Variants in STIM2 observed in about 807,000 individuals in gnomAD.
STIM2 encodes stromal interaction molecule 2.
A neutral mutation model predicts 85.8 loss-of-function variants in STIM2; 31 were observed. That is an observed-to-expected ratio of 0.36 (90% CI 0.27 to 0.49). The LOEUF (loss-of-function observed/expected upper bound fraction) is 0.49, where lower values mean the gene tolerates loss of function less well. Ranked by LOEUF, STIM2 falls within the 20% of genes least tolerant of loss-of-function variation. STIM2 has a pLI of 0.98. For synonymous variants in STIM2, 356 were observed against 331.1 expected (o/e 1.08, Z -0.82); for missense variants, 841 against 927.6 (o/e 0.91, Z 1.21).
rs555575078 is a variant in STIM2 at position 27,000,186 on chromosome 4, C to G, written c.625+839C>G. On this transcript the variant is annotated intron_variant, in intron 5 of 11. Transcript: ENST00000467087. The stretch of plus-strand genomic sequence containing the variant: ...AGGAGATTTTCAGGTTTCTATGATA[C>G]CATCTTGGGAATGGCCCTTCTAAAA... Among the ~76,000 whole-genome samples the G allele has an allele frequency of 7.9e-5, 12 of 152,134 alleles. 1 individual carries two copies. The South Asian group carries it at 2.5e-3, about 32-fold the overall frequency.
chr4:26,988,842 A>G (rs1166606739), intron 3 of STIM2, among the ~76,000 whole-genome samples: 1 of 152,184 alleles, frequency 6.6e-6, no homozygotes, highest in African/African-American at 2.4e-5. Context: ...GTATTCTGTA[A>G]TCTACTGTTC....
intron 2 of STIM2, among the ~76,000 whole-genome samples, chr4:26,940,896 G>C (rs1725585548): frequency 6.6e-6 from 1 of 152,074 alleles, no homozygotes; most frequent in African/African-American, 2.4e-5. Flanking sequence ...TGATTCTGTA[G>C]GTCTGGGATG....
At chr4:26,884,705 G>A (rs1184591106) in intron 1 of STIM2, among the ~76,000 whole-genome samples, 2 of 152,232 alleles carry the variant, frequency 1.3e-5, no homozygotes, top group African/African-American at 4.8e-5. Context: ...GGGGGATTAA[G>A]TATCCCACAT....
chr4:27,009,038 G>T (rs760651253), intron 10 of STIM2, 36 bp downstream of exon 10: 1 of 1,575,288 alleles, frequency 6.3e-7, no homozygotes, highest in South Asian at 1.1e-5. Context: ...GTTGGTACAG[G>T]TTTTAAAGTA....
At chr4:26,948,242 C>CA (rs1354713703) in intron 2 of STIM2, among the ~76,000 whole-genome samples, 1 of 152,182 alleles carries the variant, frequency 6.6e-6, no homozygotes, top group South Asian at 2.1e-4. Flanking sequence ...TCTGTGGCCA[C>CA]AGCAGAGAGA....
chr4:26,919,445 C>G lies in STIM2; in HGVS notation c.152-59C>G, dbSNP rs867981202. The G allele has an allele frequency of 1.2e-4, 186 of 1,601,580 alleles. 2 individuals are homozygous for G. In the Middle Eastern group the frequency reaches 5.1e-3, roughly 44 times the overall value. On this transcript the variant is annotated intron_variant, in intron 1 of 11. Coordinates refer to ENST00000467087, the MANE Select transcript of STIM2 (RefSeq NM_020860.4). ...TTGGTTTTCTTTTAAATTATACTCT[C>G]TAACTATAGCCTTTGTTTTGGTATG...
At chr4:26,891,574 CACACACA>C (rs1723485854) in intron 1 of STIM2, among the ~76,000 whole-genome samples, 1 of 149,092 alleles carries the variant, frequency 6.7e-6, no homozygotes, top group East Asian at 1.9e-4. Flanking sequence ...CACACACACA[CACACACA>C]CACACACACA....
chr4:26,912,525 A>G (rs1724383479), intron 1 of STIM2, among the ~76,000 whole-genome samples: 1 of 152,218 alleles, frequency 6.6e-6, no homozygotes, highest in South Asian at 2.1e-4. Flanking sequence ...TCCTCTAGTG[A>G]AGGCAAAGGG....
Position 26,965,500 on chromosome 4 carries a change from G to C in STIM2, c.397+7774G>C, listed in dbSNP as rs200031374. Among the ~76,000 whole-genome samples, 7 of 152,120 alleles carry C rather than the reference G, an allele frequency of 4.6e-5. No individual in the cohort carries two copies. In the East Asian group the frequency reaches 1.4e-3, roughly 29 times the overall value. On this transcript the variant is annotated intron_variant, in intron 3 of 11. Coordinates refer to ENST00000467087, the MANE Select transcript of STIM2 (RefSeq NM_020860.4). ...CTTTCTTTTATAAAATTATCCAAAT[G>C]AGTTCAGAGCACTCACAGTAAGTTG...
intron 2 of STIM2, among the ~76,000 whole-genome samples, chr4:26,935,627 G>A (rs1021458185): frequency 2.0e-5 from 3 of 152,284 alleles, no homozygotes; most frequent in African/African-American, 4.8e-5. Flanking sequence ...GCAGCTTGGG[G>A]ATGGGACCTA....
chr4:26,940,181 ATGT>A (rs1352209763), intron 2 of STIM2, among the ~76,000 whole-genome samples: 1 of 152,094 alleles, frequency 6.6e-6, no homozygotes, highest in Non-Finnish European at 1.5e-5. Flanking sequence ...TGGAGTCTTA[ATGT>A]TGTTGAGGAT....
At chr4:26,967,545 G>A (rs1043512862) in intron 3 of STIM2, among the ~76,000 whole-genome samples, 1 of 152,182 alleles carries the variant, frequency 6.6e-6, no homozygotes, top group African/African-American at 2.4e-5. Context: ...TCTGCCAAGA[G>A]TCCTCCTGAA....
intron 2 of STIM2, among the ~76,000 whole-genome samples, chr4:26,922,303 T>C (rs1433503252): frequency 6.6e-6 from 1 of 152,162 alleles, no homozygotes; most frequent in East Asian, 1.9e-4. Flanking sequence ...TTTCTAAAAT[T>C]ATTATTGTAC....
chr4:26,995,792 A>T (rs915333856), intron 4 of STIM2, among the ~76,000 whole-genome samples: 1 of 151,940 alleles, frequency 6.6e-6, no homozygotes, highest in Non-Finnish European at 1.5e-5. Flanking sequence ...TCTAAGAAAA[A>T]CTTTTTTATT....
intron 1 of STIM2, among the ~76,000 whole-genome samples, chr4:26,876,352 C>T (rs569636383): frequency 1.3e-5 from 2 of 152,234 alleles, no homozygotes; most frequent in East Asian, 3.9e-4. Context: ...GTAGCACTTC[C>T]CACTTTTGAG....
At chr4:26,939,095 C>T (rs73116675) in intron 2 of STIM2, among the ~76,000 whole-genome samples, 4 of 151,938 alleles carry the variant, frequency 2.6e-5, no homozygotes, top group Non-Finnish European at 1.5e-5. Flanking sequence ...CTGCTTGTTC[C>T]CTGTATTTTG....
chr4:26,971,322 C>G (rs1220250997), intron 3 of STIM2, among the ~76,000 whole-genome samples: 1 of 152,068 alleles, frequency 6.6e-6, no homozygotes, highest in African/African-American at 2.4e-5. Context: ...CTTGCCCGTG[C>G]CTATGTCCTG....
At chr4:26,980,523 C>T (rs990606145) in intron 3 of STIM2, among the ~76,000 whole-genome samples, 2 of 149,220 alleles carry the variant, frequency 1.3e-5, no homozygotes, top group South Asian at 4.2e-4. Flanking sequence ...GGAAATCAAT[C>T]AGTTGCCAGA....
chr4:26,937,812 T>C (rs549606560), intron 2 of STIM2, among the ~76,000 whole-genome samples: 25 of 152,318 alleles, frequency 1.6e-4, no homozygotes, highest in Non-Finnish European at 3.4e-4. Context: ...TAAGTTGTTA[T>C]TAAATTGATC....
Sources: allele counts gnomAD v4.1 joint callset (sites outside exome capture counted in the v4.1 genomes callset), GRCh38; gene constraint gnomAD v4.1.1; transcripts MANE v1.5; gene names NCBI Gene and HGNC (gene_info 2026-07-23, HGNC 2026-07-21).